Variants in SYNE3 observed in about 807,000 individuals in gnomAD.
The protein encoded by SYNE3 is nesprin-3.
In SYNE3, 100 loss-of-function variants were observed where a neutral mutation model predicts 111.2. The ratio of observed to expected loss-of-function variants is 0.90; its 90% confidence interval spans 0.77 to 1.06. The LOEUF (loss-of-function observed/expected upper bound fraction) is 1.06. Ranked by LOEUF, SYNE3 falls within the 50% of genes least tolerant of loss-of-function variation. The probability of loss-of-function intolerance (pLI) is 0.00; values close to 1 mark genes in which losing one functional copy is unlikely to be tolerated. For missense variants in SYNE3, 1,160 were observed against 1,240.3 expected, an observed-to-expected ratio of 0.94 and a Z score of 0.97; for synonymous variants, 547 against 533.9, an observed-to-expected ratio of 1.02 and a Z score of -0.34.
chr14:95,448,403 G>A (rs1288526839), intron 8 of SYNE3, among the ~76,000 whole-genome samples: 2 of 119,036 alleles, frequency 1.7e-5, no homozygotes, highest in African/African-American at 2.8e-5. Context: ...AAACTATTAA[G>A]AGAGGTCTGG....
At position 95,450,076 on chromosome 14, in the gene SYNE3, T is replaced by C. The variant is rs777004540; in HGVS notation, c.1304A>G (p.Asn435Ser). The C allele has an allele frequency of 9.5e-6, 15 of 1,574,910 alleles. No individual in the cohort carries two copies. Among genetic ancestry groups the C allele is most frequent in the South Asian group, 8.2e-5 (7 of 85,698 alleles). ...CTGCCACAGCTCCACCGCCGCGGCA[T>C]TGCGCAGCCTCGCGCTCTTCACCTT... ...SLKVKSARLR[N>S]AAAVELWQHF... The change falls in exon 8 of 18, where the codon AAT (asparagine) becomes AGT (serine). Residue 435 changes from asparagine (N) to serine (S), a missense_variant. By Grantham distance (46) the Asn-to-Ser change is conservative (BLOSUM62 1). Coordinates refer to ENST00000682763, the MANE Select transcript of SYNE3 (RefSeq NM_152592.6).
At chr14:95,502,714 G>A (rs942864499) in intron 1 of SYNE3, among the ~76,000 whole-genome samples, 8 of 152,280 alleles carry the variant, frequency 5.3e-5, no homozygotes, top group Admixed American at 4.6e-4. Flanking sequence ...TCTGGCATTC[G>A]TTTCACAAGG....
intron 8 of SYNE3, among the ~76,000 whole-genome samples, chr14:95,447,915 AT>A (rs1212588006): frequency 6.6e-6 from 1 of 152,254 alleles, no homozygotes; most frequent in Admixed American, 6.5e-5. Context: ...CTACCTGTGC[AT>A]AGATATTCAA....
chr14:95,434,918 T>C, intron 15 of SYNE3, among the ~76,000 whole-genome samples: 1 of 152,176 alleles, frequency 6.6e-6, no homozygotes. Flanking sequence ...CCTCCCAAAG[T>C]GCGGGGATTA....
chr14:95,425,913 A>G (rs1885403950), intron 17 of SYNE3, among the ~76,000 whole-genome samples: 1 of 152,264 alleles, frequency 6.6e-6, no homozygotes, highest in Non-Finnish European at 1.5e-5. Context: ...AGACAGAAGT[A>G]TCAGGATAGA....
Position 95,411,844 on chromosome 14 carries a change from A to G in SYNE3, c.*5982T>C, listed in dbSNP as rs147610651. 1 of 152,254 alleles carries G rather than the reference A, an allele frequency of 6.6e-6. No individual in the cohort carries two copies. The highest frequency in any genetic ancestry group is 1.5e-5 in the Non-Finnish European group (1 of 68,092). The allele number at this position is 152,254 out of a possible 1,614,324, so 9.4% of individuals were successfully genotyped here. A position where few individuals can be genotyped will look rare whatever the true frequency, so the allele number is the denominator to read the frequency against. ...GGCAGGGGGCAGGAAAGGGCAAGAGATTATCCTTGAGCATGGACACGCCAA... is the reference window on the plus strand; with the variant it reads ...GGCAGGGGGCAGGAAAGGGCAAGAGGTTATCCTTGAGCATGGACACGCCAA... On this transcript the variant is annotated 3_prime_UTR_variant, in exon 18 of 18. Coordinates refer to ENST00000682763, the MANE Select transcript of SYNE3 (RefSeq NM_152592.6).
At chr14:95,419,762 T>C (rs537124641) in intron 17 of SYNE3, among the ~76,000 whole-genome samples, 17 of 142,654 alleles carry the variant, frequency 1.2e-4, no homozygotes, top group Admixed American at 3.5e-4. Context: ...GTGATAATGA[T>C]CATGGAAATG....
At chr14:95,431,598 G>T (rs909070701) in intron 17 of SYNE3, among the ~76,000 whole-genome samples, 1 of 152,168 alleles carries the variant, frequency 6.6e-6, no homozygotes, top group African/African-American at 2.4e-5. Context: ...AGGGTAAGTG[G>T]AAACACCTGC....
intron 1 of SYNE3, among the ~76,000 whole-genome samples, chr14:95,486,646 C>A (rs28648940): frequency 1.3e-3 from 195 of 152,276 alleles, no homozygotes; most frequent in African/African-American, 4.3e-3. Flanking sequence ...CATGGACAGA[C>A]GCTTTTAAAG....
At chr14:95,449,582 A>G (rs558303566) in intron 8 of SYNE3, 99 of 985,336 alleles carry the variant, frequency 1.0e-4, no homozygotes, top group Non-Finnish European at 1.2e-4. Flanking sequence ...GTTTTAAGAT[A>G]CCGCAGGTCA....
chr14:95,439,544 C>T, intron 13 of SYNE3, 68 bp downstream of exon 13: 1 of 1,585,530 alleles, frequency 6.3e-7, no homozygotes. Flanking sequence ...TCCACGAGCA[C>T]CTGAGTGTCC....
In SYNE3 at chr14:95,411,624, C is replaced by T. The variant is rs1903436541; in HGVS notation, c.*6202G>A. The T allele has an allele frequency of 6.6e-6, 1 of 152,216 alleles. No homozygotes were observed. Among genetic ancestry groups the T allele is most frequent in the Non-Finnish European group, 1.5e-5 (1 of 68,082 alleles). 9.4% of individuals were successfully genotyped at this position (152,216 alleles called of 1,614,324 possible). On this transcript the variant is annotated 3_prime_UTR_variant, in exon 18 of 18. Transcript: ENST00000682763. ...ATTGGGGTGAGAATTAGCTGAGTGC[C>T]CATGAGAGAGGGAATTAGGGCAGGA...
intron 2 of SYNE3, 22 bp from the exon 3 acceptor site, chr14:95,467,989 G>A (rs1024382237): frequency 1.3e-6 from 2 of 1,593,820 alleles, no homozygotes; most frequent in Non-Finnish European, 1.7e-6. Context: ...ACACAAGCCA[G>A]TTTCCAGGGT....
chr14:95,468,664 T>G (rs1888341617), intron 2 of SYNE3, among the ~76,000 whole-genome samples: 1 of 152,238 alleles, frequency 6.6e-6, no homozygotes, highest in African/African-American at 2.4e-5. Flanking sequence ...CCTGCTCTTC[T>G]GGCCTTGGGA....
intron 17 of SYNE3, among the ~76,000 whole-genome samples, chr14:95,430,768 G>A (rs1005530545): frequency 6.6e-6 from 1 of 151,110 alleles, no homozygotes; most frequent in African/African-American, 2.4e-5. Flanking sequence ...AGGTTGCAGT[G>A]AGCTGAGATT....
chr14:95,460,944 G>A (rs549329714), intron 4 of SYNE3, among the ~76,000 whole-genome samples: 5 of 152,176 alleles, frequency 3.3e-5, no homozygotes, highest in Admixed American at 1.3e-4. Flanking sequence ...GAGAAGTCCA[G>A]GGTAAATAAA....
At position 95,455,377 on chromosome 14, in the gene SYNE3, C is replaced by T. The variant is rs201128800; in HGVS notation, c.1137G>A (p.Ser379=). Residue 379 remains serine, a splice_region_variant and synonymous_variant, in exon 6 of 18, where the codon TCG becomes TCA. Coordinates refer to ENST00000682763, the MANE Select transcript of SYNE3 (RefSeq NM_152592.6). ...CCATGACTCGGCCAAGCACGCTTAC[C>T]GAGTAGCGTCTCCAGTGTGCCACCA... The part of the protein sequence containing the change: ...DELVAHWRRY[S]ATRAALASEE... 45 of 1,528,856 alleles carry T rather than the reference C, an allele frequency of 2.9e-5. No homozygotes were observed. Among genetic ancestry groups the T allele is most frequent in the East Asian group, 6.8e-5 (3 of 44,104 alleles). The allele number at this position is 1,528,856 out of a possible 1,614,324, so 94.7% of individuals were successfully genotyped here.
intron 1 of SYNE3, among the ~76,000 whole-genome samples, chr14:95,486,077 C>A (rs1354406401): frequency 1.3e-5 from 2 of 152,112 alleles, no homozygotes; most frequent in African/African-American, 4.8e-5. Context: ...GGGAAAGCGG[C>A]CCTTCCCCGA....
chr14:95,502,374 G>A (rs987027125), intron 1 of SYNE3, among the ~76,000 whole-genome samples: 1 of 151,812 alleles, frequency 6.6e-6, no homozygotes, highest in Non-Finnish European at 1.5e-5. Flanking sequence ...GATGGAGAGG[G>A]AGACTTGCTC....
Sources: gnomAD v4.1 joint callset for allele counts (sites outside exome capture counted in the v4.1 genomes callset) on GRCh38, gnomAD v4.1.1 for gene constraint, MANE v1.5 for transcripts, NCBI Gene and HGNC (gene_info 2026-07-23, HGNC 2026-07-21) for gene names.